Variants in GRID1 observed in about 807,000 individuals in gnomAD.
The protein encoded by GRID1 is glutamate receptor ionotropic, delta-1.
A neutral mutation model predicts 98.0 loss-of-function variants in GRID1; 28 were observed. That is an observed-to-expected ratio of 0.29 (90% confidence interval 0.21 to 0.39). The LOEUF is 0.39. Among genes scored for constraint, GRID1 ranks in the 10% least tolerant of loss-of-function variants. The probability of loss-of-function intolerance (pLI) is 1.00; values close to 1 mark genes in which losing one functional copy is unlikely to be tolerated. For missense variants in GRID1, 1,111 were observed against 1,340.5 expected (o/e 0.83, Z 2.67); for synonymous variants, 553 against 538.5 (o/e 1.03, Z -0.37).
chr10:85,666,322 G>A (rs1426038683), intron 12 of GRID1, among the ~76,000 whole-genome samples: 2 of 152,122 alleles, frequency 1.3e-5, no homozygotes, highest in African/African-American at 4.8e-5. Flanking sequence ...GAAAGAACAG[G>A]GTGAAATGAA....
intron 4 of GRID1, among the ~76,000 whole-genome samples, chr10:86,013,167 T>A (rs1202009038): frequency 6.6e-6 from 1 of 152,176 alleles, no homozygotes; most frequent in African/African-American, 2.4e-5. Flanking sequence ...GGAATAGATA[T>A]CTTCAGCAGT....
intron 8 of GRID1, among the ~76,000 whole-genome samples, chr10:85,745,514 T>C (rs1383963423): frequency 7.6e-6 from 1 of 131,514 alleles, no homozygotes; most frequent in Admixed American, 7.7e-5. Flanking sequence ...TAGGTGGGAA[T>C]TGAACAATGA....
intron 5 of GRID1, among the ~76,000 whole-genome samples, chr10:85,912,789 C>A (rs1841558689): frequency 6.6e-6 from 1 of 152,212 alleles, no homozygotes; most frequent in Admixed American, 6.5e-5. Context: ...TAAATGCCTG[C>A]CCCTGACTTT....
Position 86,310,274 on chromosome 10 carries a change from C to T in GRID1, c.235+53667G>A, listed in dbSNP as rs191998887. 3.5e-3 allele frequency among the ~76,000 whole-genome samples: 529 copies of T among 152,302 alleles called. 2 individuals are homozygous for T. Among genetic ancestry groups the T allele is most frequent in the African/African-American group, 0.012 (508 of 41,540 alleles). ...CATGGTGAACAGACATAGCCCAATGCCCCCAAAGCTTTCTCCATCATGCTC... is the reference window on the plus strand; with the variant it reads ...CATGGTGAACAGACATAGCCCAATGTCCCCAAAGCTTTCTCCATCATGCTC... On this transcript the variant is annotated intron_variant, in intron 2 of 15. Coordinates refer to ENST00000327946, the MANE Select transcript of GRID1 (RefSeq NM_017551.3).
At chr10:85,891,532 A>T (rs1340829235) in intron 5 of GRID1, among the ~76,000 whole-genome samples, 2 of 152,180 alleles carry the variant, frequency 1.3e-5, no homozygotes, top group Non-Finnish European at 2.9e-5. Flanking sequence ...AACAAACAAA[A>T]TATATGCAAC....
chr10:85,783,355 C>T (rs1462310347), intron 8 of GRID1, among the ~76,000 whole-genome samples: 1 of 152,164 alleles, frequency 6.6e-6, no homozygotes, highest in African/African-American at 2.4e-5. Context: ...AGGCGCTACT[C>T]TCTGACAGAG....
At chr10:86,093,879 A>G (rs1242074300) in intron 4 of GRID1, among the ~76,000 whole-genome samples, 2 of 152,194 alleles carry the variant, frequency 1.3e-5, no homozygotes, top group African/African-American at 4.8e-5. Context: ...CAAAACCAGG[A>G]AAGGACGTAA....
chr10:85,649,074 G>C (rs769200648), intron 12 of GRID1, among the ~76,000 whole-genome samples: 1 of 152,224 alleles, frequency 6.6e-6, no homozygotes, highest in Non-Finnish European at 1.5e-5. Context: ...TCAGCTCTCA[G>C]AGCAGTTCCT....
chr10:85,895,648 C>T (rs1004144202), intron 5 of GRID1, among the ~76,000 whole-genome samples: 4 of 152,154 alleles, frequency 2.6e-5, no homozygotes, highest in African/African-American at 9.7e-5. Flanking sequence ...GGGACAAAAA[C>T]CTAATGGTTA....
intron 3 of GRID1, among the ~76,000 whole-genome samples, chr10:86,204,516 C>G (rs1845998271): frequency 6.6e-6 from 1 of 152,228 alleles, no homozygotes; most frequent in Non-Finnish European, 1.5e-5. Context: ...CTCAGGGACA[C>G]CTTTCTTTGA....
rs573845558 is a variant in GRID1, at chr10:85,647,599, C to A, written c.1998-202G>T. On this transcript the variant is annotated intron_variant, in intron 12 of 15. Transcript: ENST00000327946. ...CCTCATTCAATTACAGGTGTGTTTT[C>A]TCAGTGCAGATTAATTCAATAAGAT... 4.4e-4 allele frequency: 252 copies of A among 577,084 alleles called. 2 individuals carry two copies. Among genetic ancestry groups the A allele is most frequent in the Middle Eastern group, 9.1e-4 (2 of 2,200 alleles). 35.7% of individuals were successfully genotyped at this position (577,084 alleles called of 1,614,324 possible). A position where few individuals can be genotyped will look rare whatever the true frequency, so the allele number is the denominator to read the frequency against.
chr10:86,010,830 A>AT (rs2131880972), intron 4 of GRID1, among the ~76,000 whole-genome samples: 1 of 151,430 alleles, frequency 6.6e-6, no homozygotes, highest in African/African-American at 2.4e-5. Flanking sequence ...AAAAAAAAAA[A>AT]GTAATGAGTT....
chr10:85,613,153 A>G, intron 15 of GRID1: 3 of 535,452 alleles, frequency 5.6e-6, no homozygotes, highest in Non-Finnish European at 9.9e-6. Flanking sequence ...TGCTCTATAG[A>G]TAAATACAGG....
chr10:85,762,823 C>G (rs183285790), intron 8 of GRID1, among the ~76,000 whole-genome samples: 1 of 152,198 alleles, frequency 6.6e-6, no homozygotes, highest in Non-Finnish European at 1.5e-5. Flanking sequence ...AGCCAGGTGA[C>G]TTGTCAGGTG....
chr10:85,855,076 G>A (rs1436426845), intron 7 of GRID1, among the ~76,000 whole-genome samples: 3 of 152,210 alleles, frequency 2.0e-5, no homozygotes, highest in Non-Finnish European at 4.4e-5. Flanking sequence ...GCATTGGAGG[G>A]CACAGCAAGA....
intron 4 of GRID1, among the ~76,000 whole-genome samples, chr10:86,032,497 T>A (rs931661478): frequency 6.6e-6 from 1 of 152,234 alleles, no homozygotes; most frequent in African/African-American, 2.4e-5. Context: ...TTCTTCTGCC[T>A]TGGGATGCTG....
intron 2 of GRID1, among the ~76,000 whole-genome samples, chr10:86,352,476 TTGGTTCCTGATGAGGGC>T (rs754649127): frequency 2.6e-4 from 40 of 152,188 alleles, no homozygotes; most frequent in Admixed American, 2.6e-3. Flanking sequence ...GCCAGCATGG[TTGGTTCCTGATGAGGGC>T]TGTCTTCCTG....
intron 4 of GRID1, among the ~76,000 whole-genome samples, chr10:86,082,685 T>G (rs1843993925): frequency 6.6e-6 from 1 of 152,056 alleles, no homozygotes; most frequent in Non-Finnish European, 1.5e-5. Context: ...CACAAAAACT[T>G]TTTAGCCCCC....
chr10:85,919,714 A>C (rs1841674896), intron 4 of GRID1, among the ~76,000 whole-genome samples: 1 of 152,170 alleles, frequency 6.6e-6, no homozygotes, highest in Admixed American at 6.5e-5. Context: ...GAGTGAGAAC[A>C]CTATAGAGAG....
Sources: allele counts gnomAD v4.1 joint callset (sites outside exome capture counted in the v4.1 genomes callset), GRCh38; gene constraint gnomAD v4.1.1; transcripts MANE v1.5; gene names NCBI Gene and HGNC (gene_info 2026-07-23, HGNC 2026-07-21).